CCNDBP1: variants seen among roughly 807,000 people sequenced by gnomAD.
The protein encoded by CCNDBP1 is cyclin-D1-binding protein 1.
Under a neutral mutation model 46.2 loss-of-function variants are expected in CCNDBP1, and 45 were observed. The ratio of observed to expected loss-of-function variants is 0.97; its 90% confidence interval spans 0.77 to 1.25. CCNDBP1 has a LOEUF of 1.25. Among genes scored for constraint, CCNDBP1 ranks in the 50% most tolerant of loss-of-function variants. The pLI is 0.00. For missense variants in CCNDBP1, 436 were observed against 442.1 expected (o/e 0.99, Z 0.12); for synonymous variants, 154 against 163.6 (o/e 0.94, Z 0.45).
At chr15:43,187,296 G>C (rs1274619095) in intron 3 of CCNDBP1, among the ~76,000 whole-genome samples, 1 of 148,750 alleles carries the variant, frequency 6.7e-6, no homozygotes, top group Non-Finnish European at 1.5e-5. Context: ...TTGAGACAGA[G>C]TCTCTCTCTG....
intron 9 of CCNDBP1, chr15:43,194,046 CTTTTT>C (rs748207621): frequency 0.023 from 1,136 of 49,996 alleles, 22 homozygotes; most frequent in African/African-American, 0.22. Context: ...TCTTAATGCG[CTTTTT>C]TTTTTTTTTT....
At chr15:43,194,240 A>G in intron 9 of CCNDBP1, 175 bp from the exon 10 acceptor site, 1 of 520,608 alleles carries the variant, frequency 1.9e-6, no homozygotes. Context: ...ATCTTGCTAA[A>G]TAGAAAAGAA....
intron 2 of CCNDBP1, 122 bp from the exon 3 acceptor site, chr15:43,186,032 A>G (rs1324913966): frequency 8.3e-7 from 1 of 1,198,566 alleles, no homozygotes; most frequent in Admixed American, 1.8e-5. Context: ...AGAGGGTGAA[A>G]TAGAATTCTA....
Position 43,194,903 on chromosome 15 carries a change from CT to C in CCNDBP1, c.*66del, listed in dbSNP as rs149235433. On this transcript the variant is annotated 3_prime_UTR_variant, in exon 11 of 11. Coordinates refer to ENST00000300213, the MANE Select transcript of CCNDBP1 (RefSeq NM_012142.5). ...CGTCATGGTCAGGCTCTGATACCTG[CT>C]TTTAAAATGGAGCTAGAATGCTTGC... 2,791 of 1,027,202 alleles carry C rather than the reference CT, an allele frequency of 2.7e-3. 51 individuals carry two copies. In the Admixed American group the frequency reaches 0.033, roughly 12 times the overall value. 63.6% of individuals were successfully genotyped at this position (1,027,202 alleles called of 1,614,324 possible). A position where few individuals can be genotyped will look rare whatever the true frequency, so the allele number is the denominator to read the frequency against.
intron 10 of CCNDBP1, 106 bp from the exon 11 acceptor site, chr15:43,194,621 C>A: frequency 9.7e-7 from 1 of 1,027,150 alleles, no homozygotes; most frequent in Non-Finnish European, 1.5e-6. Flanking sequence ...TGCAAAGAAG[C>A]TTCCCTTTAA....
In CCNDBP1 at chr15:43,191,053, C is replaced by T. The variant is rs1384491576; in HGVS notation, c.579+11C>T. The T allele has an allele frequency of 6.2e-7, 1 of 1,604,064 alleles. No individual in the cohort carries two copies. The highest frequency in any genetic ancestry group is 8.5e-7 in the Non-Finnish European group (1 of 1,170,838). Reference sequence around the variant, plus strand: ...GAAGAAATGGAGCAGGTGAGGGGACCTCCATCATTGGAAGGCAACTCCTTG... The same window carrying T: ...GAAGAAATGGAGCAGGTGAGGGGACTTCCATCATTGGAAGGCAACTCCTTG... On this transcript the variant is annotated intron_variant, in intron 7 of 10. Coordinates refer to ENST00000300213, the MANE Select transcript of CCNDBP1 (RefSeq NM_012142.5).
chr15:43,195,480 C>G lies in CCNDBP1; in HGVS notation c.*639C>G, dbSNP rs2042027053. 6.6e-6 allele frequency: 1 copy of G among 152,140 alleles called. No individual in the cohort carries two copies. Among genetic ancestry groups the G allele is most frequent in the African/African-American group, 2.4e-5 (1 of 41,432 alleles). 9.4% of individuals were successfully genotyped at this position (152,140 alleles called of 1,614,324 possible). On this transcript the variant is annotated 3_prime_UTR_variant, in exon 11 of 11. Coordinates refer to ENST00000300213, the MANE Select transcript of CCNDBP1 (RefSeq NM_012142.5). Reference sequence around the variant, plus strand: ...TGTTAGGTTTGCCCACCTTATTGAACAGATTTATTTTCCTTATACATACTT... The same window carrying G: ...TGTTAGGTTTGCCCACCTTATTGAAGAGATTTATTTTCCTTATACATACTT...
At position 43,189,950 on chromosome 15, in the gene CCNDBP1, T is replaced by C. The variant is rs184222513; in HGVS notation, c.332-105T>C. The C allele has an allele frequency of 5.5e-6, 5 of 905,234 alleles. No homozygotes were observed. In the East Asian group the frequency reaches 1.3e-4, roughly 23 times the overall value. 56.1% of individuals were successfully genotyped at this position (905,234 alleles called of 1,614,324 possible). On this transcript the variant is annotated intron_variant, in intron 4 of 10. Coordinates refer to ENST00000300213, the MANE Select transcript of CCNDBP1 (RefSeq NM_012142.5). ...TTGTGTTAGCATGTAGGTTAAAGCA[T>C]GTGGGTGTACATTACCTTATAGTTC...
intron 7 of CCNDBP1, 67 bp downstream of exon 7, chr15:43,191,109 G>T: frequency 7.7e-7 from 1 of 1,297,596 alleles, no homozygotes. Flanking sequence ...TATAAAGAGA[G>T]ATTTCCTGAG....
chr15:43,194,685 T>C lies in CCNDBP1; in HGVS notation c.969-42T>C, dbSNP rs771424380. 2.8e-6 allele frequency: 4 copies of C among 1,440,938 alleles called. No individual in the cohort carries two copies. The South Asian group carries it at 4.6e-5, about 17-fold the overall frequency. 89.3% of individuals were successfully genotyped at this position (1,440,938 alleles called of 1,614,324 possible). A position where few individuals can be genotyped will look rare whatever the true frequency, so the allele number is the denominator to read the frequency against. ...CCTGAGGATAGGTTTTCCCTTGACATCCTAATAAGTTTAACTTACTTCTTT... is the reference window on the plus strand; with the variant it reads ...CCTGAGGATAGGTTTTCCCTTGACACCCTAATAAGTTTAACTTACTTCTTT... On this transcript the variant is annotated intron_variant, in intron 10 of 10. Coordinates refer to ENST00000300213, the MANE Select transcript of CCNDBP1 (RefSeq NM_012142.5).
intron 1 of CCNDBP1, 43 bp downstream of exon 1, chr15:43,185,650 C>T (rs1204399844): frequency 3.2e-5 from 8 of 252,414 alleles, no homozygotes; most frequent in Non-Finnish European, 5.4e-5. Flanking sequence ...GGGGCGGGCT[C>T]GGGGTCGGGG....
At chr15:43,189,508 G>T in intron 4 of CCNDBP1, 1 of 457,652 alleles carries the variant, frequency 2.2e-6, no homozygotes, top group Non-Finnish European at 3.9e-6. Flanking sequence ...GACTCATAAG[G>T]CTTTTAATTC....
chr15:43,191,173 C>A, intron 7 of CCNDBP1, 131 bp downstream of exon 7: 1 of 836,418 alleles, frequency 1.2e-6, no homozygotes, highest in Non-Finnish European at 1.9e-6. Context: ...CCATCTCCCA[C>A]TGCTTGTTAG....
intron 9 of CCNDBP1, 25 bp downstream of exon 9, chr15:43,192,828 G>A: frequency 4.4e-6 from 7 of 1,606,656 alleles, no homozygotes; most frequent in Non-Finnish European, 6.0e-6. Context: ...TGAGGGAATA[G>A]CTACAGAACA....
intron 9 of CCNDBP1, chr15:43,193,111 C>T (rs1174632288): frequency 6.6e-6 from 2 of 305,132 alleles, no homozygotes; most frequent in South Asian, 5.7e-5. Flanking sequence ...AATCCCAGCA[C>T]TCCAGGAGGC....
chr15:43,192,624 T>C (rs1367923881), intron 8 of CCNDBP1, 119 bp from the exon 9 acceptor site: 1 of 894,516 alleles, frequency 1.1e-6, no homozygotes, highest in Non-Finnish European at 1.8e-6. Context: ...AGTTGCCCAA[T>C]TTTAAAAACT....
At position 43,195,988 on chromosome 15, in the gene CCNDBP1, G is replaced by GT. The variant is rs1422160956; in HGVS notation, c.*1148dup. 6.6e-6 allele frequency: 1 copy of GT among 152,138 alleles called. No homozygotes were observed. Among genetic ancestry groups the GT allele is most frequent in the Non-Finnish European group, 1.5e-5 (1 of 68,030 alleles). 9.4% of individuals were successfully genotyped at this position (152,138 alleles called of 1,614,324 possible). ...AAGGAACTAAAATCAAACTGACAGA[G>GT]TGTCAAGGCAACAAAATAACATAAA... On this transcript the variant is annotated 3_prime_UTR_variant, in exon 11 of 11. Transcript: ENST00000300213.
At position 43,195,487 on chromosome 15, in the gene CCNDBP1, AT is replaced by A. The variant is rs2042027385; in HGVS notation, c.*650del. On this transcript the variant is annotated 3_prime_UTR_variant, in exon 11 of 11. Transcript: ENST00000300213. ...TTTGCCCACCTTATTGAACAGATTTATTTTCCTTATACATACTTGTGTTGTC... is the reference window on the plus strand; with the variant it reads ...TTTGCCCACCTTATTGAACAGATTTATTTCCTTATACATACTTGTGTTGTC... 6.6e-6 allele frequency: 1 copy of A among 152,074 alleles called. No homozygotes were observed. Among genetic ancestry groups the A allele is most frequent in the Non-Finnish European group, 1.5e-5 (1 of 67,990 alleles). 9.4% of individuals were successfully genotyped at this position (152,074 alleles called of 1,614,324 possible).
intron 1 of CCNDBP1, 28 bp downstream of exon 1, chr15:43,185,635 C>A: frequency 1.7e-6 from 1 of 603,504 alleles, no homozygotes; most frequent in Non-Finnish European, 2.6e-6. Flanking sequence ...GAACGGGCGA[C>A]GGCAGGGGCG....
Sources: allele counts gnomAD v4.1 joint callset (sites outside exome capture counted in the v4.1 genomes callset), GRCh38; gene constraint gnomAD v4.1.1; transcripts MANE v1.5; gene names NCBI Gene and HGNC (gene_info 2026-07-23, HGNC 2026-07-21).